Variants in GLTP observed in about 807,000 individuals in gnomAD.
GLTP encodes glycolipid transfer protein.
A neutral mutation model predicts 24.0 loss-of-function variants in GLTP; 22 were observed. The observed-to-expected ratio is 0.92, with a 90% confidence interval of 0.65 to 1.31. The LOEUF (loss-of-function observed/expected upper bound fraction) is 1.31, where lower values mean the gene tolerates loss of function less well. Ranked by LOEUF, GLTP falls within the 50% of genes most tolerant of loss-of-function variation. GLTP has a pLI of 0.00. For missense variants in GLTP, 224 were observed against 276.6 expected (o/e 0.81, Z 1.35); for synonymous variants, 92 against 115.9 (o/e 0.79, Z 1.33).
chr12:109,866,072 A>G (rs1868519328), intron 1 of GLTP: 1 of 152,218 alleles, frequency 6.6e-6, no homozygotes, highest in African/African-American at 2.4e-5. Flanking sequence ...TAATATCCCT[A>G]ATATGTAAAC....
chr12:109,853,385 A>T (rs1435786312), intron 4 of GLTP, among the ~76,000 whole-genome samples: 1 of 152,138 alleles, frequency 6.6e-6, no homozygotes, highest in Non-Finnish European at 1.5e-5. Context: ...GAAAAAAGGT[A>T]CAACTAGATA....
Position 109,855,818 on chromosome 12 carries a change from C to G in GLTP, c.297-49G>C. ...TCGTTAGGACCCTGCACAGCCCTGTCGTGAAAGACCCTGATGGACTCTGAA... is the reference window on the plus strand; with the variant it reads ...TCGTTAGGACCCTGCACAGCCCTGTGGTGAAAGACCCTGATGGACTCTGAA... On this transcript the variant is annotated intron_variant, in intron 3 of 4. Coordinates refer to ENST00000318348, the MANE Select transcript of GLTP (RefSeq NM_016433.4). This position sits in a 1 kb window ranked among gnomAD's most constrained non-coding sequence, Gnocchi z 4.1. The G allele has an allele frequency of 6.9e-7, 1 of 1,453,376 alleles. No homozygotes were observed. The highest frequency in any genetic ancestry group is 9.2e-7 in the Non-Finnish European group (1 of 1,090,242). 90.0% of individuals were successfully genotyped at this position (1,453,376 alleles called of 1,614,324 possible).
intron 1 of GLTP, among the ~76,000 whole-genome samples, chr12:109,868,647 A>G (rs537002708): frequency 6.6e-6 from 1 of 152,382 alleles, no homozygotes; most frequent in South Asian, 2.1e-4. Context: ...CCAGAAAGGA[A>G]GAACAGGATG....
At chr12:109,865,509 T>C (rs1868498068) in intron 1 of GLTP, among the ~76,000 whole-genome samples, 1 of 151,742 alleles carries the variant, frequency 6.6e-6, no homozygotes, top group African/African-American at 2.4e-5. Flanking sequence ...ACATCTGTAA[T>C]CCCAGCTACT....
At position 109,857,540 on chromosome 12, in the gene GLTP, C is replaced by A; in HGVS notation, c.282G>T (p.Leu94=). The change falls in exon 3 of 5, where the codon CTG becomes CTT. Residue 94 remains leucine, a synonymous_variant. Coordinates refer to ENST00000318348, the MANE Select transcript of GLTP (RefSeq NM_016433.4). This position sits in a 1 kb window ranked among gnomAD's most constrained non-coding sequence, Gnocchi z 4.3. Reference sequence around the variant, plus strand: ...GAGCCCATCACCTTTTCAGCCACATCAGCGCCAGTGTGGCCCCTACTTTGG... The same window carrying A: ...GAGCCCATCACCTTTTCAGCCACATAAGCGCCAGTGTGGCCCCTACTTTGG... ...EWPKVGATLA[L]MWLKRGLRFI... 1 of 1,613,540 alleles carries A rather than the reference C, an allele frequency of 6.2e-7. No individual in the cohort carries two copies. Among genetic ancestry groups the A allele is most frequent in the Non-Finnish European group, 8.5e-7 (1 of 1,180,010 alleles).
chr12:109,877,488 G>C (rs1047771125), intron 1 of GLTP, among the ~76,000 whole-genome samples: 5 of 152,106 alleles, frequency 3.3e-5, no homozygotes, highest in African/African-American at 1.2e-4. Flanking sequence ...GGATAGTTTA[G>C]GTTGTCACAA....
chr12:109,853,868 G>T (rs1332406281), intron 4 of GLTP, among the ~76,000 whole-genome samples: 1 of 150,840 alleles, frequency 6.6e-6, no homozygotes, highest in African/African-American at 2.4e-5. Flanking sequence ...TCAACCTCCC[G>T]AGTAGCTGGG....
intron 1 of GLTP, among the ~76,000 whole-genome samples, chr12:109,872,694 C>T: frequency 6.6e-6 from 1 of 152,176 alleles, no homozygotes; most frequent in East Asian, 1.9e-4. Context: ...AGTCTGCCAG[C>T]AGTTTCAAAA....
intron 1 of GLTP, among the ~76,000 whole-genome samples, chr12:109,878,352 T>C (rs1868949956): frequency 6.6e-6 from 1 of 152,226 alleles, no homozygotes; most frequent in African/African-American, 2.4e-5. Context: ...GATCATTCTT[T>C]GTTGTGGCAG....
At chr12:109,859,762 A>G (rs1342799994) in intron 1 of GLTP, 2 of 155,872 alleles carry the variant, frequency 1.3e-5, no homozygotes, top group South Asian at 2.1e-4. Flanking sequence ...CATCACCACT[A>G]TATTAGAACT....
Position 109,874,741 on chromosome 12 carries a change from T to C in GLTP, c.103+5531A>G, listed in dbSNP as rs1187545991. The stretch of plus-strand genomic sequence containing the variant: ...GGGGTTATGTATTTTAATTTAGTCA[T>C]GTATCTTATTTTAGTTTAGTTTAGT... On this transcript the variant is annotated intron_variant, in intron 1 of 4. Transcript: ENST00000318348. Among the ~76,000 whole-genome samples the C allele has an allele frequency of 2.0e-5, 3 of 152,250 alleles. No individual in the cohort carries two copies. The East Asian group carries it at 5.8e-4, about 29-fold the overall frequency.
chr12:109,866,845 G>C (rs1868543585), intron 1 of GLTP, among the ~76,000 whole-genome samples: 1 of 150,538 alleles, frequency 6.6e-6, no homozygotes, highest in African/African-American at 2.4e-5. Context: ...TTGTAGTCTG[G>C]AACTCCTGGT....
intron 1 of GLTP, among the ~76,000 whole-genome samples, chr12:109,868,416 C>T (rs913033484): frequency 1.3e-5 from 2 of 152,220 alleles, no homozygotes; most frequent in African/African-American, 2.4e-5. Flanking sequence ...GCTGCCCCTC[C>T]ATGCCTGCCT....
rs1291997236 is a variant in GLTP, at chr12:109,880,478, G to C, written c.-104C>G. 3.4e-6 allele frequency: 1 copy of C among 298,434 alleles called. No homozygotes were observed. The highest frequency in any genetic ancestry group is 2.3e-5 in the African/African-American group (1 of 44,242). 18.5% of individuals were successfully genotyped at this position (298,434 alleles called of 1,614,324 possible). Reference sequence around the variant, plus strand: ...GCCGGGGCCGTCACAGCCGCCCGCCGCAGGCTCCGGGGACGCCAGCGTCGC... The same window carrying C: ...GCCGGGGCCGTCACAGCCGCCCGCCCCAGGCTCCGGGGACGCCAGCGTCGC... On this transcript the variant is annotated 5_prime_UTR_variant, in exon 1 of 5. Coordinates refer to ENST00000318348, the MANE Select transcript of GLTP (RefSeq NM_016433.4). This position sits in a 1 kb window ranked among gnomAD's most constrained non-coding sequence, Gnocchi z 5.1.
intron 3 of GLTP, among the ~76,000 whole-genome samples, chr12:109,856,791 G>A (rs1044995658): frequency 8.5e-5 from 13 of 152,176 alleles, no homozygotes; most frequent in African/African-American, 2.9e-4. Flanking sequence ...CGGGCACGGT[G>A]CCTCACACCT....
chr12:109,863,115 G>A (rs921596960), intron 1 of GLTP, among the ~76,000 whole-genome samples: 7 of 152,220 alleles, frequency 4.6e-5, no homozygotes, highest in African/African-American at 1.7e-4. Flanking sequence ...CTGATGGATG[G>A]ATGGACAGAG....
intron 1 of GLTP, among the ~76,000 whole-genome samples, chr12:109,868,881 T>A (rs2136047628): frequency 6.6e-6 from 1 of 152,286 alleles, no homozygotes; most frequent in African/African-American, 2.4e-5. Context: ...CTGCTTACTA[T>A]AAGGCCTATT....
At chr12:109,877,758 A>G (rs968009218) in intron 1 of GLTP, among the ~76,000 whole-genome samples, 6 of 152,082 alleles carry the variant, frequency 3.9e-5, no homozygotes, top group Non-Finnish European at 4.4e-5. Flanking sequence ...AGACGCTCCC[A>G]AGATCTAGAA....
At chr12:109,853,879 A>T (rs931059177) in intron 4 of GLTP, among the ~76,000 whole-genome samples, 9 of 149,278 alleles carry the variant, frequency 6.0e-5, no homozygotes, top group African/African-American at 2.2e-4. Flanking sequence ...AGTAGCTGGG[A>T]CTACAGGTGC....
Sources: allele counts gnomAD v4.1 joint callset (sites outside exome capture counted in the v4.1 genomes callset), GRCh38; gene constraint gnomAD v4.1.1; non-coding constraint Gnocchi (gnomAD v3.1); transcripts MANE v1.5; gene names NCBI Gene and HGNC (gene_info 2026-07-23, HGNC 2026-07-21).